The following L3MBTL4 variants were observed in gnomAD, a reference collection of about 807,000 sequenced individuals.
L3MBTL4 encodes the protein L3MBTL histone methyl-lysine binding protein 4, also known as lethal(3)malignant brain tumor-like protein 4.
A neutral mutation model predicts 84.5 loss-of-function variants in L3MBTL4; 70 were observed. The ratio of observed to expected loss-of-function variants is 0.83; its 90% CI spans 0.68 to 1.01. L3MBTL4 has a LOEUF of 1.01. Among genes scored for constraint, L3MBTL4 ranks in the 50% least tolerant of loss-of-function variants. The pLI, the probability that L3MBTL4 is intolerant of heterozygous loss-of-function variation, is 0.00. For missense variants in L3MBTL4, 715 were observed against 754.8 expected (o/e 0.95, Z 0.62); for synonymous variants, 274 against 259.8 (o/e 1.05, Z -0.52).
chr18:6,204,899 C>T (rs1345374278), intron 12 of L3MBTL4, among the ~76,000 whole-genome samples: 2 of 152,228 alleles, frequency 1.3e-5, no homozygotes, highest in Non-Finnish European at 2.9e-5. Context: ...TCTACCTTAG[C>T]AGTGTTCAGT....
intron 16 of L3MBTL4, among the ~76,000 whole-genome samples, chr18:5,979,085 T>C (rs983649279): frequency 6.6e-6 from 1 of 152,092 alleles, no homozygotes; most frequent in African/African-American, 2.4e-5. Context: ...GAATAACTCT[T>C]GGGAAGGGGC....
At chr18:6,390,941 A>G (rs2055022676) in intron 1 of L3MBTL4, among the ~76,000 whole-genome samples, 1 of 152,202 alleles carries the variant, frequency 6.6e-6, no homozygotes, top group South Asian at 2.1e-4. Context: ...AAACTATTCC[A>G]AAAGATTGAG....
chr18:6,308,255 T>C (rs1434741392), intron 3 of L3MBTL4, among the ~76,000 whole-genome samples: 6 of 151,994 alleles, frequency 3.9e-5, no homozygotes, highest in Non-Finnish European at 8.8e-5. Flanking sequence ...TAAACAGAGG[T>C]TTACCCATAC....
intron 1 of L3MBTL4, among the ~76,000 whole-genome samples, chr18:6,391,062 T>C (rs937986565): frequency 6.6e-6 from 1 of 152,106 alleles, no homozygotes; most frequent in African/African-American, 2.4e-5. Flanking sequence ...ATATCCCTGA[T>C]GAACACAGAT....
rs140840892 is a variant in L3MBTL4, at chr18:6,219,794, T to C, written c.785-3959A>G. Reference sequence around the variant, plus strand: ...GGGGATTTTCCAAACAGCTGAGAACTGTTTTAGAAGACGAGGAGAACTACT... The same window carrying C: ...GGGGATTTTCCAAACAGCTGAGAACCGTTTTAGAAGACGAGGAGAACTACT... On this transcript the variant is annotated intron_variant, in intron 10 of 18. Transcript: ENST00000317931. Among the ~76,000 whole-genome samples the C allele has an allele frequency of 8.5e-3, 1,293 of 152,194 alleles. 7 individuals are homozygous for C. Among genetic ancestry groups the C allele is most frequent in the South Asian group, 0.016 (75 of 4,816 alleles).
At chr18:5,971,252 C>T (rs942552010) in intron 16 of L3MBTL4, among the ~76,000 whole-genome samples, 6 of 152,158 alleles carry the variant, frequency 3.9e-5, no homozygotes, top group African/African-American at 1.4e-4. Context: ...CCTTGAAACC[C>T]GGAGTGGGAA....
At chr18:6,264,183 C>G (rs913320823) in intron 4 of L3MBTL4, 145 bp from the exon 5 acceptor site, 1 of 627,966 alleles carries the variant, frequency 1.6e-6, no homozygotes, top group Admixed American at 2.8e-5. Context: ...TCTTCTCTCT[C>G]AATTCATATG....
At chr18:6,047,110 T>C (rs1433617045) in intron 16 of L3MBTL4, among the ~76,000 whole-genome samples, 2 of 152,086 alleles carry the variant, frequency 1.3e-5, no homozygotes, top group African/African-American at 4.8e-5. Flanking sequence ...TCAGAGACTA[T>C]TATGAACATC....
At chr18:6,073,446 G>GT (rs906237952) in intron 16 of L3MBTL4, among the ~76,000 whole-genome samples, 1 of 151,956 alleles carries the variant, frequency 6.6e-6, no homozygotes, top group Non-Finnish European at 1.5e-5. Context: ...AAAAACTTCA[G>GT]TTTTTTTCCT....
intron 16 of L3MBTL4, among the ~76,000 whole-genome samples, chr18:6,027,181 C>T (rs1010109189): frequency 1.7e-4 from 26 of 152,252 alleles, no homozygotes; most frequent in Middle Eastern, 3.4e-3. Context: ...TGCTCTCCCT[C>T]CCTTGACCCC....
chr18:6,117,271 T>A (rs988248896), intron 14 of L3MBTL4, among the ~76,000 whole-genome samples: 2 of 152,190 alleles, frequency 1.3e-5, no homozygotes, highest in Non-Finnish European at 2.9e-5. Flanking sequence ...CTTGGTTTTG[T>A]CCTGCCAGGA....
At chr18:6,135,732 G>A (rs557148467) in intron 14 of L3MBTL4, among the ~76,000 whole-genome samples, 5 of 152,284 alleles carry the variant, frequency 3.3e-5, no homozygotes, top group East Asian at 1.9e-4. Flanking sequence ...AAAGCCACTC[G>A]ACAAGTCTCT....
At chr18:6,304,963 T>G (rs766047539) in intron 3 of L3MBTL4, among the ~76,000 whole-genome samples, 1 of 152,224 alleles carries the variant, frequency 6.6e-6, no homozygotes, top group African/African-American at 2.4e-5. Flanking sequence ...CTTCTGTATT[T>G]GCTACTGAAA....
At chr18:6,125,433 G>A (rs9946751) in intron 14 of L3MBTL4, among the ~76,000 whole-genome samples, 2,396 of 152,072 alleles carry the variant, frequency 0.016, 68 homozygotes, top group African/African-American at 0.055. Flanking sequence ...TTTTTGTTTT[G>A]TTTTGTTCTT....
At chr18:6,391,162 A>G (rs1247879363) in intron 1 of L3MBTL4, among the ~76,000 whole-genome samples, 2 of 152,222 alleles carry the variant, frequency 1.3e-5, no homozygotes, top group Non-Finnish European at 2.9e-5. Flanking sequence ...CATCCCAGGG[A>G]TGCAAGAATA....
intron 11 of L3MBTL4, among the ~76,000 whole-genome samples, chr18:6,215,302 C>T (rs192082403): frequency 6.6e-6 from 1 of 152,270 alleles, no homozygotes; most frequent in Non-Finnish European, 1.5e-5. Flanking sequence ...AATCAGTATT[C>T]TAACAAATGC....
intron 16 of L3MBTL4, among the ~76,000 whole-genome samples, chr18:6,064,749 G>T (rs900290018): frequency 6.6e-6 from 1 of 151,842 alleles, no homozygotes; most frequent in Admixed American, 6.6e-5. Flanking sequence ...GAGCTTTTTG[G>T]ATGAGTCTTT....
At chr18:6,239,009 G>T (rs2047336143) in intron 9 of L3MBTL4, among the ~76,000 whole-genome samples, 1 of 151,976 alleles carries the variant, frequency 6.6e-6, no homozygotes, top group Non-Finnish European at 1.5e-5. Flanking sequence ...GGCTTTCGAA[G>T]AATTCACTCC....
intron 12 of L3MBTL4, among the ~76,000 whole-genome samples, chr18:6,208,055 C>T (rs1303220315): frequency 6.6e-6 from 1 of 151,796 alleles, no homozygotes; most frequent in African/African-American, 2.4e-5. Context: ...GTCAAGGCTG[C>T]GGCAGGCCAT....
Sources: gnomAD v4.1 joint callset for allele counts (sites outside exome capture counted in the v4.1 genomes callset) on GRCh38, gnomAD v4.1.1 for gene constraint, MANE v1.5 for transcripts, NCBI Gene and HGNC (gene_info 2026-07-23, HGNC 2026-07-21) for gene names.